MAGI2: variants seen among roughly 807,000 people sequenced by gnomAD.
The protein encoded by MAGI2 is membrane-associated guanylate kinase, WW and PDZ domain-containing protein 2.
Under a neutral mutation model 133.3 loss-of-function variants are expected in MAGI2, and 35 were observed. The ratio of observed to expected loss-of-function variants is 0.26; its 90% confidence interval spans 0.20 to 0.35. MAGI2 has a LOEUF of 0.35. Among genes scored for constraint, MAGI2 ranks in the 10% least tolerant of loss-of-function variants. MAGI2 has a pLI of 1.00. For synonymous variants in MAGI2, 729 were observed against 710.6 expected, an observed-to-expected ratio of 1.03 and a Z score of -0.41; for missense variants, 1,636 against 1,863.4, an observed-to-expected ratio of 0.88 and a Z score of 2.25.
intron 4 of MAGI2, among the ~76,000 whole-genome samples, chr7:78,520,991 TA>T (rs1263049701): frequency 2.6e-5 from 4 of 152,166 alleles, no homozygotes; most frequent in Non-Finnish European, 2.9e-5. Flanking sequence ...ACATAACCTC[TA>T]CTGAGAGAAG....
chr7:78,676,316 G>A (rs1483074673), intron 2 of MAGI2, among the ~76,000 whole-genome samples: 4 of 152,120 alleles, frequency 2.6e-5, no homozygotes, highest in Admixed American at 2.6e-4. Context: ...ATACCTCAGT[G>A]CTCAAGACAA....
intron 2 of MAGI2, among the ~76,000 whole-genome samples, chr7:78,804,635 GCTA>G (rs1788364612): frequency 6.6e-6 from 1 of 151,502 alleles, no homozygotes; most frequent in Admixed American, 6.6e-5. Flanking sequence ...TGTAGTCCCA[GCTA>G]CTCGGGAGGC....
At chr7:78,698,949 A>G (rs1248857063) in intron 2 of MAGI2, among the ~76,000 whole-genome samples, 3 of 152,192 alleles carry the variant, frequency 2.0e-5, no homozygotes, top group African/African-American at 4.8e-5. Context: ...CAGCCAAACC[A>G]TATCACTGAC....
intron 1 of MAGI2, among the ~76,000 whole-genome samples, chr7:79,232,110 T>C (rs1254066777): frequency 6.6e-6 from 1 of 152,198 alleles, no homozygotes; most frequent in African/African-American, 2.4e-5. Context: ...GATTTGCGTA[T>C]ATTGAACCAG....
chr7:78,446,024 C>T, intron 6 of MAGI2, among the ~76,000 whole-genome samples: 1 of 111,944 alleles, frequency 8.9e-6, no homozygotes, highest in Non-Finnish European at 2.0e-5. Context: ...CCAAGCTCTG[C>T]CAGTTTCTAT....
At chr7:78,683,974 A>G (rs1815983173) in intron 2 of MAGI2, among the ~76,000 whole-genome samples, 1 of 152,178 alleles carries the variant, frequency 6.6e-6, no homozygotes, top group South Asian at 2.1e-4. Flanking sequence ...AATAAGATTA[A>G]CGGGGCTTCT....
chr7:78,588,124 A>T (rs955754060), intron 3 of MAGI2, among the ~76,000 whole-genome samples: 1 of 152,198 alleles, frequency 6.6e-6, no homozygotes, highest in African/African-American at 2.4e-5. Flanking sequence ...GCTGAACAAC[A>T]TCGAGTGTCA....
intron 16 of MAGI2, among the ~76,000 whole-genome samples, chr7:78,159,339 C>T (rs918193264): frequency 3.3e-5 from 5 of 152,116 alleles, no homozygotes; most frequent in African/African-American, 7.2e-5. Flanking sequence ...TTGCTTTCTC[C>T]CCCACCCCCA....
intron 1 of MAGI2, among the ~76,000 whole-genome samples, chr7:79,077,592 A>AAAAT (rs1160161708): frequency 3.5e-4 from 45 of 126,976 alleles, no homozygotes; most frequent in East Asian, 1.0e-3. Flanking sequence ...AAAAAAAAAA[A>AAAAT]AAATAAATAA....
intron 1 of MAGI2, among the ~76,000 whole-genome samples, chr7:79,045,374 G>A (rs564674933): frequency 5.3e-5 from 8 of 152,080 alleles, no homozygotes; most frequent in African/African-American, 1.7e-4. Context: ...GTAAATTATA[G>A]CTCAATATAG....
chr7:78,062,418 G>A lies in MAGI2; in HGVS notation c.3706+16529C>T, dbSNP rs78606722. Among the ~76,000 whole-genome samples, 1,244 of 152,288 alleles carry A rather than the reference G, an allele frequency of 8.2e-3. 16 individuals carry two copies. Among genetic ancestry groups the A allele is most frequent in the African/African-American group, 0.028 (1,184 of 41,570 alleles). Reference sequence around the variant, plus strand: ...TTGAGTGCTATGTGCCTGGCATTGCGCCAGTCCTCTCCACTCCTTTTCTAA... The same window carrying A: ...TTGAGTGCTATGTGCCTGGCATTGCACCAGTCCTCTCCACTCCTTTTCTAA... On this transcript the variant is annotated intron_variant, in intron 21 of 21. Transcript: ENST00000354212.
chr7:79,048,272 A>G (rs527249563), intron 1 of MAGI2, among the ~76,000 whole-genome samples: 1 of 152,332 alleles, frequency 6.6e-6, no homozygotes, highest in South Asian at 2.1e-4. Context: ...AACCTTAGAA[A>G]ACACATTAAA....
intron 2 of MAGI2, among the ~76,000 whole-genome samples, chr7:78,732,002 T>C (rs555884209): frequency 8.5e-5 from 13 of 152,158 alleles, no homozygotes; most frequent in African/African-American, 2.4e-4. Flanking sequence ...ATATTTTGTA[T>C]TGCTGAATTT....
At chr7:79,247,048 C>T (rs1037523160) in intron 1 of MAGI2, among the ~76,000 whole-genome samples, 3 of 151,874 alleles carry the variant, frequency 2.0e-5, no homozygotes, top group Admixed American at 2.0e-4. Flanking sequence ...ATAAAATATC[C>T]AGTAAAAATA....
rs370866206 is a variant in MAGI2 at position 79,061,642 on chromosome 7, TA to T, written c.302-54437del. The stretch of plus-strand genomic sequence containing the variant: ...TTGAATTTATAACTGGGACCAAGAT[TA>T]GGGGTGGCAAATAAGTTCTACTTTG... On this transcript the variant is annotated intron_variant, in intron 1 of 21. Transcript: ENST00000354212. Among the ~76,000 whole-genome samples, 75 of 152,126 alleles carry T rather than the reference TA, an allele frequency of 4.9e-4. 1 individual carries two copies. Among genetic ancestry groups the T allele is most frequent in the African/African-American group, 1.7e-3 (70 of 41,504 alleles).
intron 1 of MAGI2, among the ~76,000 whole-genome samples, chr7:79,190,976 A>G (rs898378062): frequency 4.0e-5 from 6 of 151,820 alleles, no homozygotes; most frequent in East Asian, 1.9e-4. Context: ...ATCATACACT[A>G]TATTTCCACA....
At chr7:78,141,771 A>G (rs887173424) in intron 16 of MAGI2, among the ~76,000 whole-genome samples, 2 of 152,164 alleles carry the variant, frequency 1.3e-5, no homozygotes, top group Admixed American at 6.5e-5. Context: ...GCAGTTGGTA[A>G]TAAGCAGATG....
chr7:78,824,228 A>T (rs1297345068), intron 2 of MAGI2, among the ~76,000 whole-genome samples: 1 of 152,242 alleles, frequency 6.6e-6, no homozygotes, highest in Non-Finnish European at 1.5e-5. Flanking sequence ...AAGAGAAGAT[A>T]AAAGTGATGG....
chr7:78,513,593 C>T (rs1012602880), intron 4 of MAGI2, among the ~76,000 whole-genome samples: 1 of 152,090 alleles, frequency 6.6e-6, no homozygotes, highest in South Asian at 2.1e-4. Context: ...GCCTGGAGAA[C>T]CTGAAGAAAC....
Sources: allele counts gnomAD v4.1 joint callset (sites outside exome capture counted in the v4.1 genomes callset), GRCh38; gene constraint gnomAD v4.1.1; transcripts MANE v1.5; gene names NCBI Gene and HGNC (gene_info 2026-07-23, HGNC 2026-07-21).